Variants in LRBA observed in about 807,000 individuals in gnomAD.
LRBA encodes the protein lipopolysaccharide-responsive and beige-like anchor protein.
In LRBA, 176 loss-of-function variants were observed where a neutral mutation model predicts 330.0. The ratio of observed to expected loss-of-function variants is 0.53; its 90% CI spans 0.47 to 0.60. The LOEUF is 0.60. LRBA is among the 20% of genes least tolerant of loss of function. LRBA has a pLI of 0.00. For missense variants in LRBA, 3,259 were observed against 3,444.8 expected, an observed-to-expected ratio of 0.95 and a Z score of 1.35; for synonymous variants, 1,230 against 1,193.0, an observed-to-expected ratio of 1.03 and a Z score of -0.64.
At chr4:150,327,206 T>C (rs572147155) in intron 48 of LRBA, among the ~76,000 whole-genome samples, 1 of 152,232 alleles carries the variant, frequency 6.6e-6, no homozygotes, top group Admixed American at 6.5e-5. Context: ...GGAGGATCGC[T>C]TGAGGCCAGG....
chr4:150,435,636 T>C lies in LRBA; in HGVS notation c.6994A>G (p.Ile2332Val), dbSNP rs1036536623. ...TGACTGTTTCGCCAAGCTCTGGAAATTGATGAAAAAGTTCGATCTGCATGA... is the reference window on the plus strand; with the variant it reads ...TGACTGTTTCGCCAAGCTCTGGAAACTGATGAAAAAGTTCGATCTGCATGA... ...FDHADRTFSS[I>V]SRAWRNSQRD... Residue 2332 changes from isoleucine (I) to valine (V), a missense_variant, in exon 46 of 57, where the codon ATT becomes GTT. Coordinates refer to ENST00000651943, the MANE Select transcript of LRBA (RefSeq NM_001364905.1). 1 of 1,613,362 alleles carries C rather than the reference T, an allele frequency of 6.2e-7. No homozygotes were observed. The highest frequency in any genetic ancestry group is 1.3e-5 in the African/African-American group (1 of 74,998).
intron 56 of LRBA, among the ~76,000 whole-genome samples, chr4:150,272,992 C>T (rs780919900): frequency 6.6e-6 from 1 of 152,024 alleles, no homozygotes; most frequent in Non-Finnish European, 1.5e-5. Context: ...AAGAGCAACT[C>T]CAGGACACAT....
At position 150,302,664 on chromosome 4, in the gene LRBA, A is replaced by C; in HGVS notation, c.7978T>G (p.Trp2660Gly). Residue 2660 changes from tryptophan (W) to glycine (G), a missense_variant, in exon 53 of 57, where the codon TGG (tryptophan) becomes GGG (glycine). By Grantham distance (184) the Trp-to-Gly change is radical. Transcript: ENST00000651943. The stretch of plus-strand genomic sequence containing the variant: ...CCAATCCCACTGCATTTTCCATTCC[A>C]ATACCACAGCAAAAGAGTTGCATCA... Reference protein sequence around the residue: ...SRDATLLLWYWNGKCSGIGDN... With the variant: ...SRDATLLLWYGNGKCSGIGDN... 1 of 1,612,918 alleles carries C rather than the reference A, an allele frequency of 6.2e-7. No individual in the cohort carries two copies. Among genetic ancestry groups the C allele is most frequent in the Non-Finnish European group, 8.5e-7 (1 of 1,179,316 alleles).
chr4:150,765,410 G>A (rs1043506566), intron 34 of LRBA, among the ~76,000 whole-genome samples: 1 of 152,022 alleles, frequency 6.6e-6, no homozygotes, highest in African/African-American at 2.4e-5. Flanking sequence ...ATGGACTTTG[G>A]GTGATAATGA....
chr4:150,487,885 G>A (rs1484514532), intron 41 of LRBA, 51 bp from the exon 42 acceptor site: 1 of 917,128 alleles, frequency 1.1e-6, no homozygotes, highest in Non-Finnish European at 1.7e-6. Context: ...TTCCTTTCTG[G>A]AAAACTGACT....
chr4:150,578,351 A>G (rs1011474546), intron 40 of LRBA, among the ~76,000 whole-genome samples: 1 of 152,194 alleles, frequency 6.6e-6, no homozygotes, highest in Non-Finnish European at 1.5e-5. Context: ...AACACCAAGT[A>G]TTCAGTTTTG....
chr4:150,850,905 A>G lies in LRBA; in HGVS notation c.3826-3T>C. 1 of 1,593,974 alleles carries G rather than the reference A, an allele frequency of 6.3e-7. No individual in the cohort carries two copies. The highest frequency in any genetic ancestry group is 2.2e-5 in the East Asian group (1 of 44,516). On this transcript the variant is annotated splice_polypyrimidine_tract_variant and splice_region_variant and intron_variant, in intron 23 of 56. Transcript: ENST00000651943. The stretch of plus-strand genomic sequence containing the variant: ...GGCTGCTCATGTTGCCTTGATATCT[A>G]ATACAGAAATTTAAAAAGTAATAAA...
chr4:150,768,645 C>T (rs1332531423), intron 34 of LRBA, among the ~76,000 whole-genome samples: 1 of 152,096 alleles, frequency 6.6e-6, no homozygotes, highest in Non-Finnish European at 1.5e-5. Context: ...ACTCATGCAT[C>T]ACCAGTGGAC....
chr4:150,888,495 T>G (rs1729169575), intron 17 of LRBA, among the ~76,000 whole-genome samples: 1 of 152,118 alleles, frequency 6.6e-6, no homozygotes, highest in Non-Finnish European at 1.5e-5. Context: ...ACAGACATAA[T>G]AAGGACAATT....
intron 35 of LRBA, among the ~76,000 whole-genome samples, chr4:150,737,811 T>C (rs1309720724): frequency 6.6e-6 from 1 of 152,048 alleles, no homozygotes; most frequent in East Asian, 1.9e-4. Context: ...AAATAGACAT[T>C]GATACAAAAC....
At chr4:150,491,074 CT>C (rs1561254690) in intron 40 of LRBA, 39 bp from the exon 41 acceptor site, 1 of 999,004 alleles carries the variant, frequency 1.0e-6, no homozygotes, top group Non-Finnish European at 1.5e-6. Context: ...AGTAACAATA[CT>C]TGTTTTTTGT....
At chr4:150,907,834 TAAATGTAC>T (rs1731521875) in intron 11 of LRBA, among the ~76,000 whole-genome samples, 3 of 152,134 alleles carry the variant, frequency 2.0e-5, no homozygotes, top group Admixed American at 1.3e-4. Flanking sequence ...AAAAATGTGC[TAAATGTAC>T]AATCTAATTT....
At chr4:150,298,697 G>A (rs766366328) in intron 53 of LRBA, among the ~76,000 whole-genome samples, 4 of 151,974 alleles carry the variant, frequency 2.6e-5, no homozygotes, top group East Asian at 1.9e-4. Context: ...CTCAGTAGAC[G>A]CCAATCCCAT....
At chr4:150,560,006 G>T (rs188392913) in intron 40 of LRBA, among the ~76,000 whole-genome samples, 40 of 132,146 alleles carry the variant, frequency 3.0e-4, no homozygotes, top group Non-Finnish European at 5.6e-4. Context: ...GTCCATCGAT[G>T]AAACTCAAGT....
At chr4:150,863,435 G>C (rs1579030386) in intron 22 of LRBA, among the ~76,000 whole-genome samples, 1 of 152,116 alleles carries the variant, frequency 6.6e-6, no homozygotes, top group South Asian at 2.1e-4. Context: ...GCTGAGTCAG[G>C]CAGATCACCT....
chr4:150,751,067 T>C (rs1366422812), intron 35 of LRBA, among the ~76,000 whole-genome samples: 3 of 152,128 alleles, frequency 2.0e-5, no homozygotes, highest in African/African-American at 7.2e-5. Context: ...TTCTCAAGCA[T>C]CTAAATTTAT....
chr4:150,679,396 T>C (rs1782853464), intron 37 of LRBA, among the ~76,000 whole-genome samples: 1 of 152,234 alleles, frequency 6.6e-6, no homozygotes. Flanking sequence ...GTCAGCTAAC[T>C]GTCCACTGGA....
chr4:150,835,875 G>C (rs2126846181), intron 28 of LRBA, among the ~76,000 whole-genome samples: 2 of 152,276 alleles, frequency 1.3e-5, no homozygotes, highest in East Asian at 1.9e-4. Flanking sequence ...TCGCTTTCTT[G>C]TGCCAGTTTT....
chr4:150,310,206 CTGATAAAGAAAA>C lies in LRBA; in HGVS notation c.7849+11_7849+22del, dbSNP rs1730876595. The C allele has an allele frequency of 1.3e-6, 2 of 1,553,856 alleles. No individual in the cohort carries two copies. Among genetic ancestry groups the C allele is most frequent in the Non-Finnish European group, 1.8e-6 (2 of 1,127,024 alleles). ...ACTACTTATAGTAAACTTTAGTTCA[CTGATAAAGAAAA>C]TGAAAATTACCTGTGTCTGTAGAAT... On this transcript the variant is annotated intron_variant, in intron 52 of 56. Transcript: ENST00000651943.
Sources: gnomAD v4.1 joint callset for allele counts (sites outside exome capture counted in the v4.1 genomes callset) on GRCh38, gnomAD v4.1.1 for gene constraint, MANE v1.5 for transcripts, NCBI Gene and HGNC (gene_info 2026-07-23, HGNC 2026-07-21) for gene names.